DBNDD1: variants seen among roughly 807,000 people sequenced by gnomAD.
The protein encoded by DBNDD1 is dysbindin domain containing 1, also known as dysbindin domain-containing protein 1.
In DBNDD1, 14 loss-of-function variants were observed where a neutral mutation model predicts 17.0. The ratio of observed to expected loss-of-function variants is 0.82; its 90% CI spans 0.54 to 1.29. The LOEUF (loss-of-function observed/expected upper bound fraction) is 1.29. Ranked by LOEUF, DBNDD1 falls within the 50% of genes most tolerant of loss-of-function variation. DBNDD1 has a pLI of 0.00. For synonymous variants in DBNDD1, 105 were observed against 102.0 expected (o/e 1.03, Z -0.18); for missense variants, 221 against 216.2 (o/e 1.02, Z -0.14).
chr16:90,019,356 C>G lies in DBNDD1; in HGVS notation c.-15G>C, dbSNP rs911382305. The G allele has an allele frequency of 4.8e-5, 58 of 1,205,140 alleles. No homozygotes were observed. The Admixed American group carries it at 5.3e-4, about 11-fold the overall frequency. The allele number at this position is 1,205,140 out of a possible 1,614,324, so 74.7% of individuals were successfully genotyped here. ...GGGGGCTCCATGCGGCCGGTGCGGTCTGGGAGGGGCACGGGCGACGGCGGC... is the reference window on the plus strand; with the variant it reads ...GGGGGCTCCATGCGGCCGGTGCGGTGTGGGAGGGGCACGGGCGACGGCGGC... On this transcript the variant is annotated 5_prime_UTR_variant, in exon 1 of 4. Coordinates refer to ENST00000002501, the MANE Select transcript of DBNDD1 (RefSeq NM_001042610.3). The surrounding 1 kb of genome is among the most constrained non-coding windows in gnomAD (Gnocchi z 6.1).
At chr16:90,013,615 G>A (rs1567835296) in intron 1 of DBNDD1, among the ~76,000 whole-genome samples, 1 of 152,184 alleles carries the variant, frequency 6.6e-6, no homozygotes, top group African/African-American at 2.4e-5. Flanking sequence ...CTGACCTGGG[G>A]GGACGTGGAT....
At position 90,009,133 on chromosome 16, in the gene DBNDD1, T is replaced by A. The variant is rs1048248575; in HGVS notation, c.178+151A>T. On this transcript the variant is annotated intron_variant, in intron 2 of 3. Coordinates refer to ENST00000002501, the MANE Select transcript of DBNDD1 (RefSeq NM_001042610.3). The stretch of plus-strand genomic sequence containing the variant: ...ACTTGACAGATGGTGCAGCTGAGGC[T>A]CAGAGAACCAGAGCTGCAAGAGCCT... 6.2e-6 allele frequency: 8 copies of A among 1,296,334 alleles called. No homozygotes were observed. In the African/African-American group the frequency reaches 1.1e-4, roughly 17 times the overall value. 80.3% of individuals were successfully genotyped at this position (1,296,334 alleles called of 1,614,324 possible).
At chr16:90,009,719 G>A in intron 1 of DBNDD1, 1 of 624,702 alleles carries the variant, frequency 1.6e-6, no homozygotes, top group Non-Finnish European at 2.8e-6. Flanking sequence ...AGCCGACCAT[G>A]CAGGCGTGGA....
chr16:90,009,945 A>G (rs1214417940), intron 1 of DBNDD1: 2 of 1,611,994 alleles, frequency 1.2e-6, no homozygotes. Flanking sequence ...TCATTAAATG[A>G]AAGTTACAAA....
chr16:90,011,662 C>G (rs918039814), intron 1 of DBNDD1: 1 of 455,108 alleles, frequency 2.2e-6, no homozygotes, highest in Non-Finnish European at 4.4e-6. Context: ...GGACGGGGCT[C>G]TCGCGGAATC....
intron 1 of DBNDD1, among the ~76,000 whole-genome samples, chr16:90,015,967 G>T (rs2035635317): frequency 6.6e-6 from 1 of 152,178 alleles, no homozygotes; most frequent in Non-Finnish European, 1.5e-5. Flanking sequence ...ACAGTGAGTT[G>T]TACACTTTAA....
At chr16:90,013,249 C>G (rs1033297543) in intron 1 of DBNDD1, among the ~76,000 whole-genome samples, 1 of 26,888 alleles carries the variant, frequency 3.7e-5, no homozygotes, top group Non-Finnish European at 1.1e-4. Context: ...AGCAACAGAG[C>G]GAAACCTTGC....
rs758133918 is a variant in DBNDD1, at chr16:90,008,835, C to T, written c.268G>A (p.Glu90Lys). ...LTDMSDQELA[E>K]VFADSDDENL... ...TCGTCGTCCGAGTCAGCAAAGACCT[C>T]GGCCAGCTCCTGGTCCGACATGTCG... The change falls in exon 3 of 4, where the codon GAG becomes AAG. Residue 90 changes from glutamate (E) to lysine (K), a missense_variant. By Grantham distance (56) the Glu-to-Lys change is moderately conservative. Transcript: ENST00000002501. 6.2e-6 allele frequency: 10 copies of T among 1,604,570 alleles called. No homozygotes were observed. The East Asian group carries it at 6.7e-5, about 11-fold the overall frequency.
intron 1 of DBNDD1, among the ~76,000 whole-genome samples, chr16:90,018,252 A>G (rs529145560): frequency 1.3e-5 from 2 of 152,258 alleles, no homozygotes; most frequent in Non-Finnish European, 2.9e-5. Context: ...GTGTTAAGAA[A>G]GAGCTCTGGT....
At chr16:90,016,108 C>T (rs532530227) in intron 1 of DBNDD1, among the ~76,000 whole-genome samples, 3 of 152,300 alleles carry the variant, frequency 2.0e-5, no homozygotes, top group South Asian at 2.1e-4. Context: ...CACTGTGAGT[C>T]GGCCACACGC....
At position 90,006,245 on chromosome 16, in the gene DBNDD1, G is replaced by A; in HGVS notation, c.*90C>T. 6.8e-7 allele frequency: 1 copy of A among 1,471,750 alleles called. No homozygotes were observed. Among genetic ancestry groups the A allele is most frequent in the African/African-American group, 1.4e-5 (1 of 72,332 alleles). 91.2% of individuals were successfully genotyped at this position (1,471,750 alleles called of 1,614,324 possible). ...GGTGACGGCTGGAGCCTCGTGGGCG[G>A]GTGAAGTGTGTCTGCTGGGTCAGCA... On this transcript the variant is annotated 3_prime_UTR_variant, in exon 4 of 4. Coordinates refer to ENST00000002501, the MANE Select transcript of DBNDD1 (RefSeq NM_001042610.3).
Position 90,019,289 on chromosome 16 carries a change from CG to C in DBNDD1, c.31+21del. ...GCGGGGAAGCGCTGCGCGGGGGTCTCGGGGGCTGGGGCTGAACTCACCTCCG... is the reference window on the plus strand; with the variant it reads ...GCGGGGAAGCGCTGCGCGGGGGTCTCGGGGCTGGGGCTGAACTCACCTCCG... On this transcript the variant is annotated intron_variant, in intron 1 of 3. Transcript: ENST00000002501. This position sits in a 1 kb window ranked among gnomAD's most constrained non-coding sequence, Gnocchi z 6.1. 2.6e-6 allele frequency: 3 copies of C among 1,173,128 alleles called. No homozygotes were observed. The highest frequency in any genetic ancestry group is 2.1e-6 in the Non-Finnish European group (2 of 944,638). The allele number at this position is 1,173,128 out of a possible 1,614,324, so 72.7% of individuals were successfully genotyped here. A position where few individuals can be genotyped will look rare whatever the true frequency, so the allele number is the denominator to read the frequency against.
rs1041403991 is a variant in DBNDD1, at chr16:90,008,860, G to C, written c.243C>G (p.Thr81=). 1 of 1,602,162 alleles carries C rather than the reference G, an allele frequency of 6.2e-7. No homozygotes were observed. Among genetic ancestry groups the C allele is most frequent in the East Asian group, 2.2e-5 (1 of 44,524 alleles). The change falls in exon 3 of 4, where the codon ACC becomes ACG. Residue 81 remains threonine, a synonymous_variant. Coordinates refer to ENST00000002501, the MANE Select transcript of DBNDD1 (RefSeq NM_001042610.3). ...HFDLLDLTEL[T]DMSDQELAEV... The stretch of plus-strand genomic sequence containing the variant: ...CGGCCAGCTCCTGGTCCGACATGTC[G>C]GTGAGCTCAGTGAGGTCCAGGAGGT...
chr16:90,015,778 G>A (rs775172874), intron 1 of DBNDD1, among the ~76,000 whole-genome samples: 6 of 152,066 alleles, frequency 3.9e-5, no homozygotes, highest in South Asian at 2.1e-4. Context: ...GTGTGACGCC[G>A]TTCCTAGGAA....
chr16:90,019,147 G>A lies in DBNDD1; in HGVS notation c.31+164C>T, dbSNP rs1597588175. Among the ~76,000 whole-genome samples, 1 of 152,130 alleles carries A rather than the reference G, an allele frequency of 6.6e-6. No individual in the cohort carries two copies. Among genetic ancestry groups the A allele is most frequent in the Non-Finnish European group, 1.5e-5 (1 of 67,990 alleles). ...TCCGTGTGCCCCCAGCCCCGCGCGGGGACCGCGCCCGGGAGGTGCCCCTGG... is the reference window on the plus strand; with the variant it reads ...TCCGTGTGCCCCCAGCCCCGCGCGGAGACCGCGCCCGGGAGGTGCCCCTGG... On this transcript the variant is annotated intron_variant, in intron 1 of 3. Transcript: ENST00000002501. This position sits in a 1 kb window ranked among gnomAD's most constrained non-coding sequence, Gnocchi z 6.1.
chr16:90,015,211 A>G (rs2035620239), intron 1 of DBNDD1, among the ~76,000 whole-genome samples: 1 of 151,906 alleles, frequency 6.6e-6, no homozygotes, highest in South Asian at 2.1e-4. Context: ...GGCTTTGGGG[A>G]AGGAAAATTT....
chr16:90,008,991 C>A, intron 2 of DBNDD1, 67 bp from the exon 3 acceptor site: 1 of 1,477,282 alleles, frequency 6.8e-7, no homozygotes, highest in South Asian at 1.3e-5. Flanking sequence ...CCCCGGGGGT[C>A]TAGGAGAGAG....
chr16:90,010,139 G>A, intron 1 of DBNDD1: 1 of 1,211,540 alleles, frequency 8.3e-7, no homozygotes, highest in Non-Finnish European at 1.2e-6. Flanking sequence ...TCTGCCCCTT[G>A]GGTTTGAGCG....
chr16:90,018,628 G>C (rs1031678105), intron 1 of DBNDD1, among the ~76,000 whole-genome samples: 3 of 152,230 alleles, frequency 2.0e-5, no homozygotes, highest in Admixed American at 2.0e-4. Flanking sequence ...GGGAAGGGGG[G>C]AGGTTCTGAG....
Sources: gnomAD v4.1 joint callset for allele counts (sites outside exome capture counted in the v4.1 genomes callset) on GRCh38, gnomAD v4.1.1 for gene constraint, Gnocchi (gnomAD v3.1) non-coding constraint, MANE v1.5 for transcripts, NCBI Gene and HGNC (gene_info 2026-07-23, HGNC 2026-07-21) for gene names.